The following DTD1 variants were observed in gnomAD, a reference collection of about 807,000 sequenced individuals.
The protein encoded by DTD1 is D-aminoacyl-tRNA deacylase 1.
Under a neutral mutation model 25.6 loss-of-function variants are expected in DTD1, and 13 were observed. That is an observed-to-expected ratio of 0.51 (90% CI 0.33 to 0.81). DTD1 has a LOEUF of 0.81. Ranked by LOEUF, DTD1 falls within the 30% of genes least tolerant of loss-of-function variation. The pLI is 0.02. For synonymous variants in DTD1, 110 were observed against 103.6 expected (o/e 1.06, Z -0.37); for missense variants, 193 against 266.4 (o/e 0.72, Z 1.92).
chr20:18,610,827 G>T (rs962114279), intron 3 of DTD1, among the ~76,000 whole-genome samples: 2 of 152,174 alleles, frequency 1.3e-5, no homozygotes, highest in African/African-American at 2.4e-5. Flanking sequence ...TGGGAGGATC[G>T]CTTTCACACA....
intron 4 of DTD1, among the ~76,000 whole-genome samples, chr20:18,628,988 A>ATTTTTT (rs10594706): frequency 1.4e-5 from 1 of 71,534 alleles, no homozygotes; most frequent in African/African-American, 5.8e-5. Flanking sequence ...TCAAAGCCTG[A>ATTTTTT]TTTTTTTTTT....
intron 4 of DTD1, among the ~76,000 whole-genome samples, chr20:18,704,782 G>A (rs1207646509): frequency 2.0e-5 from 3 of 152,176 alleles, no homozygotes; most frequent in Non-Finnish European, 2.9e-5. Context: ...CCGAATGTCA[G>A]TAGTGCTGAG....
At chr20:18,630,977 T>C (rs1244629691) in intron 4 of DTD1, 1 of 785,652 alleles carries the variant, frequency 1.3e-6, no homozygotes, top group African/African-American at 1.9e-5. Context: ...TCTTGTTACC[T>C]GTGATACCAG....
chr20:18,756,882 T>C (rs1489625530), intron 5 of DTD1, among the ~76,000 whole-genome samples: 1 of 151,432 alleles, frequency 6.6e-6, no homozygotes, highest in East Asian at 1.9e-4. Flanking sequence ...TTTCACAATA[T>C]TGATTCTTCC....
At chr20:18,616,628 G>GAAAAGAAA (rs2060709930) in intron 3 of DTD1, among the ~76,000 whole-genome samples, 1 of 150,126 alleles carries the variant, frequency 6.7e-6, no homozygotes, top group Admixed American at 6.6e-5. Flanking sequence ...TCTCTAAAAA[G>GAAAAGAAA]AAAAGAAAAA....
At chr20:18,751,868 TG>T (rs1365992584) in intron 5 of DTD1, among the ~76,000 whole-genome samples, 15 of 150,286 alleles carry the variant, frequency 1.0e-4, no homozygotes, top group African/African-American at 1.7e-4. Context: ...TTGTTGTTGT[TG>T]TTGTTTTAAT....
chr20:18,708,262 ATT>A (rs1244321776), intron 4 of DTD1, among the ~76,000 whole-genome samples: 1,804 of 35,198 alleles, frequency 0.051, 87 homozygotes, highest in East Asian at 0.056. Flanking sequence ...TTATATATAT[ATT>A]TTATATATAT....
At chr20:18,692,936 C>T (rs2061053226) in intron 4 of DTD1, among the ~76,000 whole-genome samples, 2 of 147,486 alleles carry the variant, frequency 1.4e-5, no homozygotes, top group Non-Finnish European at 3.0e-5. Context: ...CTCTGTCTCC[C>T]AGGCTGGAGT....
Position 18,749,573 on chromosome 20 carries a change from C to G in DTD1, c.*19+5302C>G, listed in dbSNP as rs1366056835. On this transcript the variant is annotated intron_variant, in intron 5 of 5. Transcript: ENST00000377452. The surrounding 1 kb of genome is among the most constrained non-coding windows in gnomAD (Gnocchi z 4.2). Reference sequence around the variant, plus strand: ...CCACTGGCCTCCTGGATGAGACTTGCAGGGGTCTGTCATTAATGACACCTG... The same window carrying G: ...CCACTGGCCTCCTGGATGAGACTTGGAGGGGTCTGTCATTAATGACACCTG... Among the ~76,000 whole-genome samples the G allele has an allele frequency of 6.6e-6, 1 of 152,150 alleles. No individual in the cohort carries two copies. Among genetic ancestry groups the G allele is most frequent in the Non-Finnish European group, 1.5e-5 (1 of 68,034 alleles).
chr20:18,634,800 C>T (rs770388179), intron 4 of DTD1, among the ~76,000 whole-genome samples: 2 of 152,032 alleles, frequency 1.3e-5, no homozygotes, highest in African/African-American at 2.4e-5. Flanking sequence ...TTTTGATTAC[C>T]TGCTGTGGAA....
intron 5 of DTD1, among the ~76,000 whole-genome samples, chr20:18,761,402 T>C (rs2061362396): frequency 6.6e-6 from 1 of 152,178 alleles, no homozygotes. Context: ...TGCTTTGGAA[T>C]ACTTTTTCTA....
chr20:18,601,522 C>T (rs1438650292), intron 3 of DTD1, among the ~76,000 whole-genome samples: 1 of 122,748 alleles, frequency 8.1e-6, no homozygotes, highest in East Asian at 2.2e-4. Flanking sequence ...AAAAAAAAAG[C>T]AGTCTGACAG....
chr20:18,588,238 C>G, intron 1 of DTD1, 123 bp downstream of exon 1: 1 of 963,912 alleles, frequency 1.0e-6, no homozygotes, highest in Admixed American at 4.5e-5. Context: ...AGCCTGGTCC[C>G]CTTCGCGAGC....
chr20:18,748,155 C>T lies in DTD1; in HGVS notation c.*19+3884C>T, dbSNP rs1330666904. Among the ~76,000 whole-genome samples, 5 of 148,696 alleles carry T rather than the reference C, an allele frequency of 3.4e-5. No homozygotes were observed. The Admixed American group carries it at 3.4e-4, about 10-fold the overall frequency. ...CAGCAACCAGACCCAGATTATCAAG[C>T]TAAACACACTGGCACGCATACACAC... On this transcript the variant is annotated intron_variant, in intron 5 of 5. Coordinates refer to ENST00000377452, the MANE Select transcript of DTD1 (RefSeq NM_080820.6).
intron 4 of DTD1, among the ~76,000 whole-genome samples, chr20:18,673,654 G>A (rs2060958996): frequency 6.6e-6 from 1 of 152,154 alleles, no homozygotes; most frequent in African/African-American, 2.4e-5. Context: ...TTACAGGAGA[G>A]GGAAAATGGT....
intron 4 of DTD1, among the ~76,000 whole-genome samples, chr20:18,703,068 A>AT (rs2061112322): frequency 2.0e-5 from 3 of 152,170 alleles, no homozygotes; most frequent in East Asian, 3.9e-4. Flanking sequence ...ATTTTCAATA[A>AT]TTTTTTTCCC....
At chr20:18,696,293 G>A (rs2061075900) in intron 4 of DTD1, among the ~76,000 whole-genome samples, 1 of 152,044 alleles carries the variant, frequency 6.6e-6, no homozygotes, top group African/African-American at 2.4e-5. Context: ...GCCTGTCTCG[G>A]AGTCTCATTG....
chr20:18,749,750 A>G lies in DTD1; in HGVS notation c.*19+5479A>G, dbSNP rs1304920494. 6.6e-6 allele frequency among the ~76,000 whole-genome samples: 1 copy of G among 152,074 alleles called. No individual in the cohort carries two copies. Among genetic ancestry groups the G allele is most frequent in the African/African-American group, 2.4e-5 (1 of 41,418 alleles). On this transcript the variant is annotated intron_variant, in intron 5 of 5. Transcript: ENST00000377452. This position sits in a 1 kb window ranked among gnomAD's most constrained non-coding sequence, Gnocchi z 4.2. ...GCCCAGGTGCTGAGCTGCACCAACC[A>G]CCCTGCCACAGAGGACACTGAGGAC...
At chr20:18,594,831 C>G (rs2122242460) in intron 2 of DTD1, among the ~76,000 whole-genome samples, 1 of 152,284 alleles carries the variant, frequency 6.6e-6, no homozygotes, top group South Asian at 2.1e-4. Context: ...CTTTATGGCT[C>G]TGACATACTA....
Sources: allele counts gnomAD v4.1 joint callset (sites outside exome capture counted in the v4.1 genomes callset), GRCh38; gene constraint gnomAD v4.1.1; non-coding constraint Gnocchi (gnomAD v3.1); transcripts MANE v1.5; gene names NCBI Gene and HGNC (gene_info 2026-07-23, HGNC 2026-07-21).